Variants in CCDC192 observed in about 807,000 individuals in gnomAD.
The protein encoded by CCDC192 is coiled-coil domain containing 192.
intron 6 of CCDC192, among the ~76,000 whole-genome samples, chr5:127,884,431 C>A (rs1282279641): frequency 1.3e-5 from 2 of 149,176 alleles, no homozygotes; most frequent in African/African-American, 4.9e-5. Flanking sequence ...TATATCATTA[C>A]CATATATTCT....
rs190043870 is a variant in CCDC192 at position 127,735,845 on chromosome 5, T to C, written c.115-18423T>C. 9.8e-3 allele frequency among the ~76,000 whole-genome samples: 1,322 copies of C among 135,190 alleles called. 21 individuals carry two copies. Among genetic ancestry groups the C allele is most frequent in the African/African-American group, 0.035 (1,125 of 32,174 alleles). 88.7% of individuals were successfully genotyped at this position (135,190 alleles called of 152,430 possible). On this transcript the variant is annotated intron_variant, in intron 2 of 6. Transcript: ENST00000514853. ...GATTTTGGGCTGAGACAATGGGGTT[T>C]TCTAGATATACAATCATGTCTTCTG...
chr5:127,897,673 C>A (rs1358243433), intron 6 of CCDC192, among the ~76,000 whole-genome samples: 1 of 151,958 alleles, frequency 6.6e-6, no homozygotes, highest in Non-Finnish European at 1.5e-5. Context: ...TTTCATTTTT[C>A]CTCTTAGGAA....
chr5:127,807,361 T>C (rs1377506765), intron 5 of CCDC192, among the ~76,000 whole-genome samples: 1 of 152,188 alleles, frequency 6.6e-6, no homozygotes, highest in Non-Finnish European at 1.5e-5. Context: ...TGTCATGTCC[T>C]GTCAGGTCAG....
chr5:127,774,612 G>A (rs760569378), intron 3 of CCDC192, among the ~76,000 whole-genome samples: 6 of 152,142 alleles, frequency 3.9e-5, no homozygotes, highest in African/African-American at 7.2e-5. Flanking sequence ...AGTGGTCTAT[G>A]TGTCAGTCCT....
chr5:127,763,581 T>G (rs1030332952), intron 3 of CCDC192, among the ~76,000 whole-genome samples: 1 of 152,200 alleles, frequency 6.6e-6, no homozygotes, highest in African/African-American at 2.4e-5. Context: ...TAGCCTGATT[T>G]CACTGTCAGG....
chr5:127,807,422 C>G (rs1490489207), intron 5 of CCDC192, among the ~76,000 whole-genome samples: 1 of 152,044 alleles, frequency 6.6e-6, no homozygotes, highest in East Asian at 1.9e-4. Context: ...TAAGCCTTTC[C>G]CAAAGCTATC....
intron 5 of CCDC192, among the ~76,000 whole-genome samples, chr5:127,817,401 CA>C (rs2127012403): frequency 6.6e-6 from 1 of 152,214 alleles, no homozygotes; most frequent in East Asian, 1.9e-4. Context: ...AAATGTCCAG[CA>C]ATTGATGAAT....
chr5:127,766,637 A>G (rs13169834), intron 3 of CCDC192, among the ~76,000 whole-genome samples: 1 of 147,644 alleles, frequency 6.8e-6, no homozygotes, highest in Non-Finnish European at 1.5e-5. Context: ...AAAAAAAAGT[A>G]CGAACTCTAA....
chr5:127,830,941 C>T (rs245310), intron 5 of CCDC192, among the ~76,000 whole-genome samples: 52,076 of 152,022 alleles, frequency 0.34, 9,067 homozygotes, highest in South Asian at 0.46. Flanking sequence ...GAAATCCTAA[C>T]TGAGTATCTG....
intron 3 of CCDC192, among the ~76,000 whole-genome samples, chr5:127,762,785 C>CCTGTATTT (rs1755003429): frequency 6.6e-6 from 1 of 152,116 alleles, no homozygotes; most frequent in African/African-American, 2.4e-5. Flanking sequence ...ATGGGCTTAA[C>CCTGTATTT]CTGTATTTTG....
intron 2 of CCDC192, among the ~76,000 whole-genome samples, chr5:127,710,255 A>T (rs1751247021): frequency 6.6e-6 from 1 of 152,200 alleles, no homozygotes; most frequent in Admixed American, 6.5e-5. Flanking sequence ...CTTTTAAGTC[A>T]TGGAACTCAC....
chr5:127,891,627 T>C (rs2127156397), intron 6 of CCDC192, among the ~76,000 whole-genome samples: 1 of 152,318 alleles, frequency 6.6e-6, no homozygotes, highest in African/African-American at 2.4e-5. Flanking sequence ...AGCTCATTAC[T>C]ATCTGCATAG....
intron 2 of CCDC192, among the ~76,000 whole-genome samples, chr5:127,732,392 G>T (rs746201344): frequency 1.3e-5 from 2 of 152,176 alleles, no homozygotes. Flanking sequence ...TACACTGTTC[G>T]TGGGAATGTA....
chr5:127,900,054 C>T (rs934980541), intron 6 of CCDC192, among the ~76,000 whole-genome samples: 1 of 152,212 alleles, frequency 6.6e-6, no homozygotes, highest in Admixed American at 6.5e-5. Context: ...TTAACACTTA[C>T]TTTGAATATC....
At chr5:127,828,733 A>G (rs1006002985) in intron 5 of CCDC192, among the ~76,000 whole-genome samples, 6 of 152,302 alleles carry the variant, frequency 3.9e-5, no homozygotes, top group Middle Eastern at 3.4e-3. Context: ...AAGTGGAAAT[A>G]TGAAGTGTCC....
At chr5:127,738,875 T>C (rs896783286) in intron 2 of CCDC192, among the ~76,000 whole-genome samples, 1 of 152,070 alleles carries the variant, frequency 6.6e-6, no homozygotes, top group Non-Finnish European at 1.5e-5. Context: ...TTGGTTTGAA[T>C]GTCCTCCCAT....
At chr5:127,818,394 A>G (rs1456350020) in intron 5 of CCDC192, among the ~76,000 whole-genome samples, 1 of 152,154 alleles carries the variant, frequency 6.6e-6, no homozygotes, top group East Asian at 1.9e-4. Context: ...TAAAAAACGA[A>G]TCCTGGGTTC....
chr5:127,755,883 T>G (rs1379737153), intron 3 of CCDC192, among the ~76,000 whole-genome samples: 2 of 151,992 alleles, frequency 1.3e-5, no homozygotes, highest in African/African-American at 4.8e-5. Flanking sequence ...TACCCATTCC[T>G]GCACTTTGGG....
At chr5:127,922,202 T>TGATA (rs1753741231) in intron 6 of CCDC192, among the ~76,000 whole-genome samples, 2 of 152,216 alleles carry the variant, frequency 1.3e-5, no homozygotes, top group Non-Finnish European at 2.9e-5. Flanking sequence ...GTTGTGACTT[T>TGATA]CCCTAGATTT....
Sources: gnomAD v4.1 joint callset for allele counts (sites outside exome capture counted in the v4.1 genomes callset) on GRCh38, gnomAD v4.1.1 for gene constraint, MANE v1.5 for transcripts, NCBI Gene and HGNC (gene_info 2026-07-23, HGNC 2026-07-21) for gene names.